Variants in PLEKHM3 observed in about 807,000 individuals in gnomAD.
PLEKHM3 encodes pleckstrin homology domain containing M3, also known as pleckstrin homology domain-containing family M member 3.
Under a neutral mutation model 81.8 loss-of-function variants are expected in PLEKHM3, and 45 were observed. The observed-to-expected ratio is 0.55, with a 90% confidence interval of 0.43 to 0.71. PLEKHM3 has a LOEUF of 0.71. Among genes scored for constraint, PLEKHM3 ranks in the 30% least tolerant of loss-of-function variants. The pLI, the probability that PLEKHM3 is intolerant of heterozygous loss-of-function variation, is 0.00. For missense variants in PLEKHM3, 788 were observed against 924.3 expected, an observed-to-expected ratio of 0.85 and a Z score of 1.91; for synonymous variants, 352 against 356.4, an observed-to-expected ratio of 0.99 and a Z score of 0.14.
At chr2:207,944,338 T>C (rs1398493419) in intron 4 of PLEKHM3, among the ~76,000 whole-genome samples, 2 of 151,976 alleles carry the variant, frequency 1.3e-5, no homozygotes, top group Non-Finnish European at 2.9e-5. Flanking sequence ...TTTGGCAAAA[T>C]TGTGTTGGAG....
intron 3 of PLEKHM3, among the ~76,000 whole-genome samples, chr2:207,960,453 G>A (rs1251225465): frequency 1.3e-5 from 2 of 152,222 alleles, no homozygotes; most frequent in African/African-American, 2.4e-5. Context: ...GACTCCAGCT[G>A]TGGCCAGGTG....
At chr2:207,987,494 C>T (rs1042352129) in intron 2 of PLEKHM3, among the ~76,000 whole-genome samples, 45 of 152,228 alleles carry the variant, frequency 3.0e-4, no homozygotes, top group Non-Finnish European at 2.1e-4. Flanking sequence ...CTGCTATTGA[C>T]TTCCTGGAAC....
intron 6 of PLEKHM3, among the ~76,000 whole-genome samples, chr2:207,877,227 T>C (rs2092563911): frequency 6.6e-6 from 1 of 151,430 alleles, no homozygotes; most frequent in South Asian, 2.1e-4. Flanking sequence ...TAGAAAAGAG[T>C]CCTAAAAAAG....
intron 1 of PLEKHM3, among the ~76,000 whole-genome samples, chr2:208,004,410 C>T (rs1165522258): frequency 9.4e-6 from 1 of 106,862 alleles, no homozygotes; most frequent in Non-Finnish European, 2.4e-5. Flanking sequence ...AGAGCAATGC[C>T]CTGTCTCAAA....
Position 207,865,801 on chromosome 2 carries a change from A to AAAAAATATATATATATAT in PLEKHM3, c.1951-4540_1951-4539insATATATATATATATTTTT. 3.6e-4 allele frequency among the ~76,000 whole-genome samples: 9 copies of AAAAAATATATATATATAT among 25,288 alleles called. 3 individuals are homozygous for AAAAAATATATATATATAT. The highest frequency in any genetic ancestry group is 1.3e-3 in the African/African-American group (6 of 4,792). The allele number at this position is 25,288 out of a possible 152,430, so 16.6% of individuals were successfully genotyped here. ...CGACTCAAAAAAAAAAAAAAAAAAAAAGATATATATATATATATATATATA... is the reference window on the plus strand; with the variant it reads ...CGACTCAAAAAAAAAAAAAAAAAAAAAAAAATATATATATATATAGATATATATATATATATATATATA... On this transcript the variant is annotated intron_variant, in intron 6 of 7. Coordinates refer to ENST00000427836, the MANE Select transcript of PLEKHM3 (RefSeq NM_001080475.3).
At chr2:207,914,875 G>A (rs1688933124) in intron 5 of PLEKHM3, among the ~76,000 whole-genome samples, 1 of 152,162 alleles carries the variant, frequency 6.6e-6, no homozygotes. Context: ...CTGTATTGCA[G>A]GGGCTATTAA....
intron 6 of PLEKHM3, among the ~76,000 whole-genome samples, chr2:207,907,644 A>T (rs1688657706): frequency 6.6e-6 from 1 of 152,244 alleles, no homozygotes; most frequent in Non-Finnish European, 1.5e-5. Flanking sequence ...GGCTTAACAC[A>T]TTCAATGCCT....
At chr2:207,831,288 C>T (rs1192960549) in intron 7 of PLEKHM3, among the ~76,000 whole-genome samples, 2 of 152,220 alleles carry the variant, frequency 1.3e-5, no homozygotes, top group East Asian at 1.9e-4. Flanking sequence ...GATTGCCTAC[C>T]GGGGACGCAG....
chr2:207,908,253 T>C (rs985327451), intron 6 of PLEKHM3, among the ~76,000 whole-genome samples: 10 of 152,224 alleles, frequency 6.6e-5, no homozygotes, highest in African/African-American at 2.4e-4. Context: ...TTTAACTTTT[T>C]AACTGTTCCA....
chr2:207,865,801 A>AAAAAAAAAAAAATATATATATAT, intron 6 of PLEKHM3, among the ~76,000 whole-genome samples: 2 of 25,290 alleles, frequency 7.9e-5, no homozygotes, highest in Non-Finnish European at 1.5e-4. Flanking sequence ...AAAAAAAAAA[A>AAAAAAAAAAAAATATATATATAT]AGATATATAT....
chr2:207,982,042 G>A (rs1333475987), intron 2 of PLEKHM3, among the ~76,000 whole-genome samples: 2 of 152,164 alleles, frequency 1.3e-5, no homozygotes, highest in East Asian at 3.9e-4. Context: ...TATTGAGCAT[G>A]AAGATGAAGA....
chr2:207,936,615 G>C (rs920374742), intron 4 of PLEKHM3, among the ~76,000 whole-genome samples: 1 of 152,014 alleles, frequency 6.6e-6, no homozygotes, highest in African/African-American at 2.4e-5. Context: ...AAGCTACAAG[G>C]TGAAAACAAA....
At chr2:207,840,386 A>T (rs1380089052) in intron 7 of PLEKHM3, among the ~76,000 whole-genome samples, 1 of 151,950 alleles carries the variant, frequency 6.6e-6, no homozygotes, top group Non-Finnish European at 1.5e-5. Flanking sequence ...TTGCAGAGAC[A>T]AGTTTCTGCT....
chr2:207,941,638 G>T (rs759043724), intron 4 of PLEKHM3, among the ~76,000 whole-genome samples: 4 of 152,112 alleles, frequency 2.6e-5, no homozygotes, highest in Non-Finnish European at 5.9e-5. Context: ...CATCAAGCTA[G>T]AAAGCTTCTG....
intron 6 of PLEKHM3, among the ~76,000 whole-genome samples, chr2:207,890,751 T>C (rs151314279): frequency 1.1e-3 from 173 of 152,334 alleles, no homozygotes; most frequent in African/African-American, 3.9e-3. Context: ...TTTCAGACTA[T>C]ATCATGATGG....
chr2:207,964,211 CAAA>C (rs900466467), intron 3 of PLEKHM3, among the ~76,000 whole-genome samples: 2 of 135,292 alleles, frequency 1.5e-5, no homozygotes, highest in Non-Finnish European at 1.6e-5. Flanking sequence ...GACTCCGTCT[CAAA>C]AAAAAAAAAA....
chr2:207,841,209 G>T (rs1365329389), intron 7 of PLEKHM3, among the ~76,000 whole-genome samples: 1 of 151,246 alleles, frequency 6.6e-6, no homozygotes, highest in African/African-American at 2.4e-5. Context: ...GCTCACGCCT[G>T]TAATCCCAGC....
intron 6 of PLEKHM3, among the ~76,000 whole-genome samples, chr2:207,891,930 G>A (rs905326990): frequency 3.3e-5 from 5 of 152,166 alleles, no homozygotes; most frequent in Admixed American, 1.3e-4. Flanking sequence ...AGTAACTCAG[G>A]TGACATTTTA....
Position 207,827,992 on chromosome 2 carries a change from G to GA in PLEKHM3, c.*326dup, listed in dbSNP as rs927111315. ...AATAAAATGTACCGAGAGACAGAGAGAAAAAAAAAGTCTGAACTATAAAGC... is the reference window on the plus strand; with the variant it reads ...AATAAAATGTACCGAGAGACAGAGAGAAAAAAAAAAGTCTGAACTATAAAGC... On this transcript the variant is annotated 3_prime_UTR_variant, in exon 8 of 8. Coordinates refer to ENST00000427836, the MANE Select transcript of PLEKHM3 (RefSeq NM_001080475.3). 33 of 166,390 alleles carry GA rather than the reference G, an allele frequency of 2.0e-4. No individual in the cohort carries two copies. The highest frequency in any genetic ancestry group is 2.6e-3 in the Middle Eastern group (1 of 390). The allele number at this position is 166,390 out of a possible 1,614,324, so 10.3% of individuals were successfully genotyped here. A position where few individuals can be genotyped will look rare whatever the true frequency, so the allele number is the denominator to read the frequency against.
Sources: allele counts gnomAD v4.1 joint callset (sites outside exome capture counted in the v4.1 genomes callset), GRCh38; gene constraint gnomAD v4.1.1; transcripts MANE v1.5; gene names NCBI Gene and HGNC (gene_info 2026-07-23, HGNC 2026-07-21).